Variants in FUT9 observed in about 807,000 individuals in gnomAD.
The protein encoded by FUT9 is fucosyltransferase 9.
Under a neutral mutation model 29.7 loss-of-function variants are expected in FUT9, and 15 were observed. The ratio of observed to expected loss-of-function variants is 0.51; its 90% CI spans 0.34 to 0.78. FUT9 has a LOEUF of 0.78. Among genes scored for constraint, FUT9 ranks in the 30% least tolerant of loss-of-function variants. The pLI is 0.01. For missense variants in FUT9, 319 were observed against 425.4 expected, an observed-to-expected ratio of 0.75 and a Z score of 2.20; for synonymous variants, 169 against 153.7, an observed-to-expected ratio of 1.10 and a Z score of -0.74.
intron 2 of FUT9, among the ~76,000 whole-genome samples, chr6:96,200,913 A>G (rs1773715986): frequency 6.6e-6 from 1 of 151,836 alleles, no homozygotes; most frequent in Non-Finnish European, 1.5e-5. Context: ...ATCACGATCT[A>G]TTTCTAATAT....
At chr6:96,141,171 TAA>T (rs1209205081) in intron 2 of FUT9, among the ~76,000 whole-genome samples, 1 of 152,216 alleles carries the variant, frequency 6.6e-6, no homozygotes, top group Non-Finnish European at 1.5e-5. Flanking sequence ...CCTTTAATGA[TAA>T]GTTTCTTCTG....
At chr6:96,173,075 A>G (rs1398905380) in intron 2 of FUT9, among the ~76,000 whole-genome samples, 2 of 152,156 alleles carry the variant, frequency 1.3e-5, no homozygotes, top group Non-Finnish European at 2.9e-5. Context: ...GAGGAATAGT[A>G]CATGAGTAAT....
At chr6:96,160,255 A>T (rs1399313884) in intron 2 of FUT9, among the ~76,000 whole-genome samples, 1 of 152,162 alleles carries the variant, frequency 6.6e-6, no homozygotes, top group Admixed American at 6.6e-5. Context: ...GGCTCTGATG[A>T]AGAGTCAGGG....
intron 1 of FUT9, among the ~76,000 whole-genome samples, chr6:96,079,689 T>C (rs567249698): frequency 6.6e-6 from 1 of 151,772 alleles, no homozygotes; most frequent in East Asian, 1.9e-4. Context: ...TACAATATGT[T>C]TCTAGTGTAA....
At chr6:96,159,161 G>A (rs1046082942) in intron 2 of FUT9, among the ~76,000 whole-genome samples, 6 of 151,982 alleles carry the variant, frequency 3.9e-5, no homozygotes, top group Non-Finnish European at 5.9e-5. Context: ...TACAGAAATC[G>A]TATTTTTACA....
chr6:96,170,244 A>C (rs2127982745), intron 2 of FUT9, among the ~76,000 whole-genome samples: 1 of 152,254 alleles, frequency 6.6e-6, no homozygotes, highest in South Asian at 2.1e-4. Flanking sequence ...GAGGTTGCTA[A>C]GTATATGTAG....
chr6:96,082,060 T>C (rs1045020044), intron 1 of FUT9, among the ~76,000 whole-genome samples: 1 of 151,864 alleles, frequency 6.6e-6, no homozygotes, highest in African/African-American at 2.4e-5. Flanking sequence ...CTCAACACTA[T>C]AGTCATTTGT....
At chr6:96,163,176 TA>T (rs1772944468) in intron 2 of FUT9, among the ~76,000 whole-genome samples, 1 of 152,166 alleles carries the variant, frequency 6.6e-6, no homozygotes, top group African/African-American at 2.4e-5. Flanking sequence ...TGAAAGTTAC[TA>T]ATTTAAATGT....
intron 2 of FUT9, among the ~76,000 whole-genome samples, chr6:96,182,890 TTC>T (rs1286010850): frequency 2.6e-5 from 4 of 152,138 alleles, no homozygotes; most frequent in South Asian, 2.1e-4. Flanking sequence ...TCCAGATTTG[TTC>T]TTTTTGCTTA....
intron 2 of FUT9, among the ~76,000 whole-genome samples, chr6:96,202,063 T>C (rs1334399367): frequency 1.3e-5 from 2 of 152,026 alleles, no homozygotes; most frequent in Non-Finnish European, 2.9e-5. Context: ...CTGAAATTTA[T>C]AGGCCATATT....
intron 2 of FUT9, among the ~76,000 whole-genome samples, chr6:96,136,453 A>C (rs1772350844): frequency 6.6e-6 from 1 of 151,874 alleles, no homozygotes; most frequent in Non-Finnish European, 1.5e-5. Context: ...TAAGAAATGA[A>C]CTCATTATGC....
intron 2 of FUT9, among the ~76,000 whole-genome samples, chr6:96,177,703 A>T (rs1773229135): frequency 6.6e-6 from 1 of 152,162 alleles, no homozygotes; most frequent in Non-Finnish European, 1.5e-5. Context: ...GCTATCTTTC[A>T]TCCAGCCCCT....
At chr6:96,131,185 T>C (rs894923183) in intron 2 of FUT9, among the ~76,000 whole-genome samples, 1 of 152,084 alleles carries the variant, frequency 6.6e-6, no homozygotes, top group Non-Finnish European at 1.5e-5. Context: ...TATACATTAT[T>C]TATTTTCCAA....
At chr6:96,161,116 T>C (rs1287135807) in intron 2 of FUT9, among the ~76,000 whole-genome samples, 1 of 152,154 alleles carries the variant, frequency 6.6e-6, no homozygotes, top group Non-Finnish European at 1.5e-5. Flanking sequence ...AAAGACTTTA[T>C]AGCTAGAAAT....
At chr6:96,182,625 A>G (rs1224132176) in intron 2 of FUT9, among the ~76,000 whole-genome samples, 2 of 152,084 alleles carry the variant, frequency 1.3e-5, no homozygotes, top group Non-Finnish European at 2.9e-5. Context: ...GTATAGCAAG[A>G]GATGAGGATC....
At chr6:96,077,416 T>C (rs1221550212) in intron 1 of FUT9, among the ~76,000 whole-genome samples, 1 of 152,210 alleles carries the variant, frequency 6.6e-6, no homozygotes, top group Non-Finnish European at 1.5e-5. Flanking sequence ...TTAATGTGCA[T>C]GGTTTTCTAC....
At chr6:96,176,227 T>C (rs1170619730) in intron 2 of FUT9, among the ~76,000 whole-genome samples, 3 of 152,188 alleles carry the variant, frequency 2.0e-5, no homozygotes, top group African/African-American at 4.8e-5. Context: ...GTGGACCTCA[T>C]ACTGTGGGAT....
At chr6:96,102,546 A>G (rs1771605723) in intron 1 of FUT9, among the ~76,000 whole-genome samples, 1 of 152,190 alleles carries the variant, frequency 6.6e-6, no homozygotes, top group South Asian at 2.1e-4. Context: ...AAGCTGACCC[A>G]AATGGGCCAT....
chr6:96,080,458 A>G (rs74699620), intron 1 of FUT9, among the ~76,000 whole-genome samples: 243 of 152,074 alleles, frequency 1.6e-3, no homozygotes, highest in Middle Eastern at 6.8e-3. Flanking sequence ...AAAGACGAAA[A>G]TGTCTTTGCC....
Sources: allele counts gnomAD v4.1 joint callset (sites outside exome capture counted in the v4.1 genomes callset), GRCh38; gene constraint gnomAD v4.1.1; transcripts MANE v1.5; gene names NCBI Gene and HGNC (gene_info 2026-07-23, HGNC 2026-07-21).